PACS1: variants seen among roughly 807,000 people sequenced by gnomAD.
PACS1 encodes PACS-1.
Under a neutral mutation model 115.0 loss-of-function variants are expected in PACS1, and 24 were observed. That is an observed-to-expected ratio of 0.21 (90% CI 0.15 to 0.29). The LOEUF (loss-of-function observed/expected upper bound fraction) is 0.29, where lower values mean the gene tolerates loss of function less well. Ranked by LOEUF, PACS1 falls within the 10% of genes least tolerant of loss-of-function variation. The pLI is 1.00. For synonymous variants in PACS1, 453 were observed against 504.5 expected (o/e 0.90, Z 1.37); for missense variants, 838 against 1,251.2 (o/e 0.67, Z 4.98).
chr11:66,080,983 A>G (rs533452071), intron 1 of PACS1, among the ~76,000 whole-genome samples: 1 of 152,248 alleles, frequency 6.6e-6, no homozygotes, highest in African/African-American at 2.4e-5. Context: ...AACCCCAGCA[A>G]TTTGGGAGGC....
intron 1 of PACS1, among the ~76,000 whole-genome samples, chr11:66,182,746 C>T (rs1228046804): frequency 1.3e-5 from 2 of 152,112 alleles, no homozygotes; most frequent in African/African-American, 2.4e-5. Flanking sequence ...CTGCCTCAGC[C>T]CTCCAAAGTT....
intron 1 of PACS1, chr11:66,084,036 C>G (rs1857527485): frequency 6.6e-6 from 1 of 152,394 alleles, no homozygotes; most frequent in Non-Finnish European, 1.5e-5. Flanking sequence ...AATTCCAGCT[C>G]TTGCGGAGCT....
intron 1 of PACS1, among the ~76,000 whole-genome samples, chr11:66,177,374 A>G (rs1270474637): frequency 6.6e-6 from 1 of 152,058 alleles, no homozygotes; most frequent in Non-Finnish European, 1.5e-5. Flanking sequence ...TATTTTTAGT[A>G]GAGACGGGGT....
At chr11:66,100,440 G>A (rs1037027242) in intron 1 of PACS1, among the ~76,000 whole-genome samples, 4 of 152,100 alleles carry the variant, frequency 2.6e-5, no homozygotes, top group South Asian at 2.1e-4. Context: ...AGCACCCTGC[G>A]TCCTTGAGCA....
At chr11:66,230,135 T>TA (rs11357711) in intron 11 of PACS1, among the ~76,000 whole-genome samples, 6 of 96,910 alleles carry the variant, frequency 6.2e-5, no homozygotes, top group African/African-American at 2.0e-4. Context: ...GGAATGGGGC[T>TA]AAAAAAAAAA....
intron 1 of PACS1, among the ~76,000 whole-genome samples, chr11:66,151,909 T>C (rs982422188): frequency 7.2e-5 from 11 of 152,264 alleles, no homozygotes; most frequent in Admixed American, 2.6e-4. Flanking sequence ...ATGGAAGTTG[T>C]AGAGCTCAAA....
At chr11:66,138,686 C>CT (rs34344453) in intron 1 of PACS1, among the ~76,000 whole-genome samples, 30,570 of 143,858 alleles carry the variant, frequency 0.21, 3,232 homozygotes, top group Middle Eastern at 0.29. Context: ...GCTGTCTGCA[C>CT]TTTTTTTTTT....
At chr11:66,238,476 G>A (rs973275169) in intron 19 of PACS1, 1 of 330,142 alleles carries the variant, frequency 3.0e-6, no homozygotes, top group African/African-American at 2.2e-5. Flanking sequence ...GATTTGCAAA[G>A]ATTTTTTTAT....
At chr11:66,118,112 A>AC (rs1445831437) in intron 1 of PACS1, among the ~76,000 whole-genome samples, 1 of 152,230 alleles carries the variant, frequency 6.6e-6, no homozygotes, top group African/African-American at 2.4e-5. Context: ...GTTAGTCTAA[A>AC]CAAGTAATCA....
intron 1 of PACS1, among the ~76,000 whole-genome samples, chr11:66,126,113 T>C (rs997622771): frequency 3.3e-5 from 5 of 152,154 alleles, no homozygotes; most frequent in African/African-American, 1.2e-4. Flanking sequence ...GTCCACTTTA[T>C]GTGTTAGTGT....
intron 1 of PACS1, among the ~76,000 whole-genome samples, chr11:66,192,769 G>A (rs4930174): frequency 0.026 from 3,980 of 152,256 alleles, 75 homozygotes; most frequent in South Asian, 0.062. Flanking sequence ...GTCCAGGGTG[G>A]CCCTGCTGTG....
intron 1 of PACS1, among the ~76,000 whole-genome samples, chr11:66,182,946 A>C (rs1229085734): frequency 6.6e-6 from 1 of 152,204 alleles, no homozygotes; most frequent in Non-Finnish European, 1.5e-5. Context: ...CCTGGGCAAC[A>C]TGGTGAAACC....
At chr11:66,095,146 A>T (rs1590740003) in intron 1 of PACS1, among the ~76,000 whole-genome samples, 1 of 151,114 alleles carries the variant, frequency 6.6e-6, no homozygotes, top group East Asian at 1.9e-4. Flanking sequence ...TAAGACAGGG[A>T]TGCCCTCTCT....
At chr11:66,168,165 G>C (rs1282777162) in intron 1 of PACS1, among the ~76,000 whole-genome samples, 1 of 150,238 alleles carries the variant, frequency 6.7e-6, no homozygotes, top group Non-Finnish European at 1.5e-5. Context: ...GCCTCCCAAA[G>C]TGTTGGGATG....
chr11:66,226,339 C>T (rs1418946279), intron 10 of PACS1, among the ~76,000 whole-genome samples: 1 of 152,188 alleles, frequency 6.6e-6, no homozygotes, highest in Admixed American at 6.5e-5. Context: ...TGAGTTAGTC[C>T]TGCAAATGGC....
intron 1 of PACS1, among the ~76,000 whole-genome samples, chr11:66,115,313 A>G (rs1858281431): frequency 6.6e-6 from 1 of 151,772 alleles, no homozygotes; most frequent in Non-Finnish European, 1.5e-5. Context: ...ATGGAGCTGG[A>G]GCCAAGCATT....
intron 1 of PACS1, among the ~76,000 whole-genome samples, chr11:66,168,412 A>G (rs952602456): frequency 6.6e-6 from 1 of 150,442 alleles, no homozygotes; most frequent in Non-Finnish European, 1.5e-5. Flanking sequence ...GGTCTTGCAC[A>G]TCTTATGGAG....
chr11:66,243,569 G>A lies in PACS1; in HGVS notation c.*289G>A, dbSNP rs1855860771. 7.6e-6 allele frequency: 3 copies of A among 393,038 alleles called. No homozygotes were observed. In the East Asian group the frequency reaches 1.3e-4, roughly 17 times the overall value. The allele number at this position is 393,038 out of a possible 1,614,324, so 24.3% of individuals were successfully genotyped here. ...TGGTGCCCATAGTCCCCTGGACTGA[G>A]TCCCCCAGGCCTTCCTTCACCCGAC... is the stretch of plus-strand genomic sequence containing the variant. On this transcript the variant is annotated 3_prime_UTR_variant, in exon 24 of 24. Coordinates refer to ENST00000320580, the MANE Select transcript of PACS1 (RefSeq NM_018026.4).
At chr11:66,071,319 C>T (rs766188811) in intron 1 of PACS1, among the ~76,000 whole-genome samples, 15 of 152,196 alleles carry the variant, frequency 9.9e-5, no homozygotes, top group Admixed American at 4.6e-4. Context: ...TAGCCTTCGG[C>T]ACACATGTTC....
Sources: allele counts gnomAD v4.1 joint callset (sites outside exome capture counted in the v4.1 genomes callset), GRCh38; gene constraint gnomAD v4.1.1; transcripts MANE v1.5; gene names NCBI Gene and HGNC (gene_info 2026-07-23, HGNC 2026-07-21).